Variants in MCPH1 observed in about 807,000 individuals in gnomAD.
The protein encoded by MCPH1 is microcephalin.
In MCPH1, 104 loss-of-function variants were observed where a neutral mutation model predicts 84.5. The observed-to-expected ratio is 1.23, with a 90% CI of 1.05 to 1.45. MCPH1 has a LOEUF of 1.45. Among genes scored for constraint, MCPH1 ranks in the 40% most tolerant of loss-of-function variants. The pLI is 0.00. For synonymous variants in MCPH1, 514 were observed against 366.8 expected, an observed-to-expected ratio of 1.40 and a Z score of -4.58; for missense variants, 1,498 against 1,005.7, an observed-to-expected ratio of 1.49 and a Z score of -6.62.
intron 12 of MCPH1, among the ~76,000 whole-genome samples, chr8:6,571,614 A>G (rs10112266): frequency 0.11 from 17,209 of 152,182 alleles, 1,106 homozygotes; most frequent in African/African-American, 0.18. Flanking sequence ...AACCTTTTTA[A>G]AAAGAGATAA....
At chr8:6,561,257 A>G (rs1224790521) in intron 12 of MCPH1, among the ~76,000 whole-genome samples, 1 of 152,256 alleles carries the variant, frequency 6.6e-6, no homozygotes, top group Non-Finnish European at 1.5e-5. Flanking sequence ...TTAAAAAGAC[A>G]TTGCTAGTGA....
chr8:6,615,636 T>C (rs1053669524), intron 12 of MCPH1: 2 of 152,250 alleles, frequency 1.3e-5, no homozygotes, highest in African/African-American at 4.8e-5. Context: ...ATCTTTTAAA[T>C]GTGTGTACAC....
chr8:6,618,602 G>T (rs1199319055), intron 12 of MCPH1: 1 of 152,164 alleles, frequency 6.6e-6, no homozygotes. Flanking sequence ...ATTTTTCACA[G>T]TTGTTAACTC....
intron 12 of MCPH1, among the ~76,000 whole-genome samples, chr8:6,552,828 AACTC>A (rs199865580): frequency 0.011 from 1,536 of 143,394 alleles, 6 homozygotes; most frequent in Non-Finnish European, 0.016. Flanking sequence ...TTTTTTTTTT[AACTC>A]ACTCATTAAG....
chr8:6,446,797 AGT>A lies in MCPH1; in HGVS notation c.1825+1254_1825+1255del, dbSNP rs71974938. 9.8e-3 allele frequency: 9,617 copies of A among 985,332 alleles called. 506 individuals are homozygous for A. The African/African-American group carries it at 0.13, about 13-fold the overall frequency. 61.0% of individuals were successfully genotyped at this position (985,332 alleles called of 1,614,324 possible). A position where few individuals can be genotyped will look rare whatever the true frequency, so the allele number is the denominator to read the frequency against. On this transcript the variant is annotated intron_variant, in intron 8 of 13. Transcript: ENST00000344683. ...AAGTAGGAAAAAGCTGGTAGCAAAC[AGT>A]GTGGCATGGCCTAAAATCCCCGTGT... is the stretch of plus-strand genomic sequence containing the variant.
intron 12 of MCPH1, among the ~76,000 whole-genome samples, chr8:6,553,414 T>G (rs1388323196): frequency 5.9e-5 from 9 of 152,190 alleles, no homozygotes; most frequent in African/African-American, 2.2e-4. Flanking sequence ...TAGTTAAAAG[T>G]ACACTAGCAC....
At chr8:6,587,971 T>A (rs1458976534) in intron 12 of MCPH1, among the ~76,000 whole-genome samples, 5 of 152,342 alleles carry the variant, frequency 3.3e-5, no homozygotes, top group African/African-American at 9.6e-5. Flanking sequence ...CAGGCTCCCC[T>A]CAACCTGACG....
At chr8:6,451,552 A>G (rs1467766772) in intron 8 of MCPH1, among the ~76,000 whole-genome samples, 1 of 86,776 alleles carries the variant, frequency 1.2e-5, no homozygotes, top group Non-Finnish European at 3.2e-5. Context: ...CGCATTATCT[A>G]TTGAAGAGTG....
intron 12 of MCPH1, among the ~76,000 whole-genome samples, chr8:6,537,488 T>C (rs1820717259): frequency 6.6e-6 from 1 of 152,084 alleles, no homozygotes; most frequent in South Asian, 2.1e-4. Context: ...GACATAGTCT[T>C]TAAAACTTGG....
intron 12 of MCPH1, among the ~76,000 whole-genome samples, chr8:6,533,508 G>T (rs1176262733): frequency 6.7e-6 from 1 of 150,100 alleles, no homozygotes; most frequent in Non-Finnish European, 1.5e-5. Flanking sequence ...TTAAAGAGGG[G>T]TTAAGCTGTG....
chr8:6,485,844 AC>A (rs1207935387), intron 11 of MCPH1, among the ~76,000 whole-genome samples: 7 of 152,118 alleles, frequency 4.6e-5, no homozygotes, highest in African/African-American at 1.7e-4. Context: ...TACAAGGTAA[AC>A]GCAATGGTAA....
intron 12 of MCPH1, among the ~76,000 whole-genome samples, chr8:6,570,249 A>G (rs1826545482): frequency 6.6e-6 from 1 of 152,250 alleles, no homozygotes; most frequent in Non-Finnish European, 1.5e-5. Context: ...GCAATTAAAT[A>G]TAAATATAGC....
At chr8:6,579,140 T>C (rs2515518) in intron 12 of MCPH1, among the ~76,000 whole-genome samples, 121,889 of 152,138 alleles carry the variant, frequency 0.8, 48,933 homozygotes, top group East Asian at 0.94. Context: ...AAAACTCACC[T>C]AACACCTGAC....
intron 12 of MCPH1, among the ~76,000 whole-genome samples, chr8:6,585,200 C>G (rs1827870712): frequency 6.6e-6 from 1 of 152,220 alleles, no homozygotes; most frequent in Non-Finnish European, 1.5e-5. Context: ...AGAAAGTTCT[C>G]CCAGTGGGTA....
At chr8:6,529,873 A>T (rs550798356) in intron 12 of MCPH1, among the ~76,000 whole-genome samples, 1 of 125,256 alleles carries the variant, frequency 8.0e-6, no homozygotes, top group African/African-American at 2.6e-5. Flanking sequence ...ATCTAGTTTC[A>T]CAATAGGCGT....
At chr8:6,558,882 A>G (rs542705297) in intron 12 of MCPH1, among the ~76,000 whole-genome samples, 1 of 152,322 alleles carries the variant, frequency 6.6e-6, no homozygotes, top group East Asian at 1.9e-4. Flanking sequence ...ATAGGCACAT[A>G]TCATACTATA....
At chr8:6,581,920 T>G (rs1191295398) in intron 12 of MCPH1, among the ~76,000 whole-genome samples, 2 of 152,140 alleles carry the variant, frequency 1.3e-5, no homozygotes, top group East Asian at 3.9e-4. Context: ...TGGGGTCCCT[T>G]TTATAAGGAC....
chr8:6,625,830 T>A (rs1032736847), intron 13 of MCPH1: 14 of 985,316 alleles, frequency 1.4e-5, no homozygotes, highest in Non-Finnish European at 1.7e-5. Flanking sequence ...TTATATTGTT[T>A]CTGTATCTTA....
At chr8:6,417,533 C>G (rs1385884818) in intron 3 of MCPH1, among the ~76,000 whole-genome samples, 4 of 151,902 alleles carry the variant, frequency 2.6e-5, no homozygotes, top group Admixed American at 1.3e-4. Flanking sequence ...TTTTTTTCTC[C>G]TCAGATTGAT....
Sources: gnomAD v4.1 joint callset for allele counts (sites outside exome capture counted in the v4.1 genomes callset) on GRCh38, gnomAD v4.1.1 for gene constraint, MANE v1.5 for transcripts, NCBI Gene and HGNC (gene_info 2026-07-23, HGNC 2026-07-21) for gene names.